The following INPP5K variants were observed in gnomAD, a reference collection of about 807,000 sequenced individuals.
INPP5K encodes the protein inositol polyphosphate 5-phosphatase K.
INPP5K carries 35 observed loss-of-function variants against 53.5 expected under a neutral mutation model. The ratio of observed to expected loss-of-function variants is 0.65; its 90% CI spans 0.50 to 0.87. The LOEUF (loss-of-function observed/expected upper bound fraction) is 0.87, where lower values mean the gene tolerates loss of function less well. INPP5K is among the 40% of genes least tolerant of loss of function. INPP5K has a pLI of 0.00. For synonymous variants in INPP5K, 253 were observed against 232.8 expected (o/e 1.09, Z -0.79); for missense variants, 550 against 586.2 (o/e 0.94, Z 0.64).
In INPP5K at chr17:1,496,356, C is replaced by G. The variant is rs867507549; in HGVS notation, c.1148G>C (p.Gly383Ala). 1 of 1,563,916 alleles carries G rather than the reference C, an allele frequency of 6.4e-7. No individual in the cohort carries two copies. Among genetic ancestry groups the G allele is most frequent in the South Asian group, 1.2e-5 (1 of 85,106 alleles). Residue 383 changes from glycine (G) to alanine (A), a missense_variant, in exon 10 of 12, where the codon GGG (glycine) becomes GCG (alanine). Transcript: ENST00000421807. Reference protein sequence around the residue: ...VNDYVSYAWVGDSKVSCSDNL... With the variant: ...VNDYVSYAWVADSKVSCSDNL... ...GTCGCTGCAGGAGACCTTGCTGTCC[C>G]CGACCCAGGCATAGGACACGTAGTC...
intron 2 of INPP5K, 28 bp from the exon 3 acceptor site, chr17:1,513,589 C>T (rs1238526315): frequency 1.3e-6 from 2 of 1,583,472 alleles, no homozygotes; most frequent in South Asian, 2.2e-5. Flanking sequence ...GAGGCTTGGC[C>T]CCTGGCCTCC....
chr17:1,508,074 G>A, intron 6 of INPP5K, 41 bp downstream of exon 6: 1 of 1,368,072 alleles, frequency 7.3e-7, no homozygotes, highest in Non-Finnish European at 1.0e-6. Flanking sequence ...CCCCCACCGT[G>A]GGCTCAGATC....
chr17:1,508,028 G>A (rs1408722736), intron 6 of INPP5K, 87 bp downstream of exon 6: 2 of 961,792 alleles, frequency 2.1e-6, no homozygotes, highest in African/African-American at 1.6e-5. Flanking sequence ...AAACAGCAGC[G>A]AGGGCATCTA....
chr17:1,501,200 C>T (rs1430375754), intron 7 of INPP5K, among the ~76,000 whole-genome samples: 4 of 151,886 alleles, frequency 2.6e-5, no homozygotes, highest in African/African-American at 7.3e-5. Context: ...CCTTGTGATC[C>T]GCCCGCCTCG....
intron 3 of INPP5K, among the ~76,000 whole-genome samples, chr17:1,512,929 G>A (rs1567564657): frequency 6.6e-6 from 1 of 152,190 alleles, no homozygotes; most frequent in Non-Finnish European, 1.5e-5. Context: ...GGGTTATGAA[G>A]TTTGAGAGAT....
chr17:1,509,171 G>T lies in INPP5K; in HGVS notation c.554+7C>A, dbSNP rs199652606. On this transcript the variant is annotated splice_region_variant and intron_variant, in intron 5 of 11. Coordinates refer to ENST00000421807, the MANE Select transcript of INPP5K (RefSeq NM_016532.4). ...GGCGGGGAACGGTCTGCCAGACCCAGGCTCACTCGTGGTCCAGGATGTTTG... is the reference window on the plus strand; with the variant it reads ...GGCGGGGAACGGTCTGCCAGACCCATGCTCACTCGTGGTCCAGGATGTTTG... 4 of 1,612,036 alleles carry T rather than the reference G, an allele frequency of 2.5e-6. No homozygotes were observed. Among genetic ancestry groups the T allele is most frequent in the Non-Finnish European group, 3.4e-6 (4 of 1,179,746 alleles).
intron 4 of INPP5K, 116 bp from the exon 5 acceptor site, chr17:1,509,469 A>G: frequency 1.9e-6 from 2 of 1,060,366 alleles, no homozygotes; most frequent in South Asian, 1.5e-5. Flanking sequence ...TCCTAGGGAC[A>G]GTAACTAAGC....
At chr17:1,514,138 C>T (rs754456778) in intron 1 of INPP5K, among the ~76,000 whole-genome samples, 159 bp from the exon 2 acceptor site, 1 of 151,984 alleles carries the variant, frequency 6.6e-6, no homozygotes, top group Non-Finnish European at 1.5e-5. Flanking sequence ...GCCTGGCCAA[C>T]ATGGTGAAAC....
At chr17:1,506,496 C>T (rs1377393443) in intron 7 of INPP5K, among the ~76,000 whole-genome samples, 3 of 152,068 alleles carry the variant, frequency 2.0e-5, no homozygotes, top group Non-Finnish European at 2.9e-5. Context: ...CTTCTAACTA[C>T]CAGACTCATG....
Position 1,509,235 on chromosome 17 carries a change from C to G in INPP5K, c.497G>C (p.Arg166Pro). The change falls in exon 5 of 12, where the codon CGG becomes CCG. Residue 166 changes from arginine (R) to proline (P), a missense_variant. By Grantham distance (103) the Arg-to-Pro change is moderately radical. Coordinates refer to ENST00000421807, the MANE Select transcript of INPP5K (RefSeq NM_016532.4). The part of the protein sequence containing the change: ...NNYQRLEHFD[R>P]ILEMQNCEGR... ...CTCACAATTCTGCATCTCCAGGATC[C>G]GGTCAAAGTGCTCCAGCCGCTGGTA... 6.2e-7 allele frequency: 1 copy of G among 1,614,052 alleles called. No homozygotes were observed. Among genetic ancestry groups the G allele is most frequent in the South Asian group, 1.1e-5 (1 of 91,064 alleles).
At chr17:1,497,588 TGGAGGGAGC>T (rs2074888713) in intron 8 of INPP5K, among the ~76,000 whole-genome samples, 2 of 152,142 alleles carry the variant, frequency 1.3e-5, no homozygotes, top group African/African-American at 2.4e-5. Context: ...GACGCAGGGA[TGGAGGGAGC>T]GCCCGTTGCA....
intron 7 of INPP5K, among the ~76,000 whole-genome samples, chr17:1,502,165 T>C (rs4790539): frequency 0.17 from 25,038 of 151,478 alleles, 2,234 homozygotes; most frequent in Admixed American, 0.21. Context: ...CTGGCTAACA[T>C]GGTGAAACCC....
chr17:1,500,567 G>C (rs1204227466), intron 7 of INPP5K, among the ~76,000 whole-genome samples: 1 of 152,086 alleles, frequency 6.6e-6, no homozygotes, highest in Non-Finnish European at 1.5e-5. Context: ...GGGTTTCACC[G>C]CATTAGCCAG....
chr17:1,507,396 G>A (rs932290665), intron 6 of INPP5K: 3 of 338,288 alleles, frequency 8.9e-6, no homozygotes, highest in Non-Finnish European at 1.6e-5. Context: ...TGTGTCAGAG[G>A]GGAACCTGGG....
chr17:1,500,370 T>G lies in INPP5K; in HGVS notation c.777-2248A>C, dbSNP rs566624458. On this transcript the variant is annotated intron_variant, in intron 7 of 11. Coordinates refer to ENST00000421807, the MANE Select transcript of INPP5K (RefSeq NM_016532.4). ...ACATTAGCTTTTTGCTTCCAAAGTT[T>G]TTTTTTTTTTTTGAGACGGAGTCTC... is the stretch of plus-strand genomic sequence containing the variant. Among the ~76,000 whole-genome samples, 13 of 151,890 alleles carry G rather than the reference T, an allele frequency of 8.6e-5. No individual in the cohort carries two copies. In the South Asian group the frequency reaches 1.7e-3, roughly 19 times the overall value.
chr17:1,495,598 C>T lies in INPP5K; in HGVS notation c.*225G>A. ...TCACTGTTGACACACTAGCTGGTTT[C>T]ACTCACATCTCAGCAACAAAAACCT... On this transcript the variant is annotated 3_prime_UTR_variant, in exon 12 of 12. Transcript: ENST00000421807. 5.5e-6 allele frequency: 3 copies of T among 544,512 alleles called. No individual in the cohort carries two copies. Among genetic ancestry groups the T allele is most frequent in the South Asian group, 4.9e-5 (2 of 40,906 alleles). 33.7% of individuals were successfully genotyped at this position (544,512 alleles called of 1,614,324 possible). A position where few individuals can be genotyped will look rare whatever the true frequency, so the allele number is the denominator to read the frequency against.
intron 7 of INPP5K, among the ~76,000 whole-genome samples, chr17:1,502,820 C>T (rs1305347368): frequency 1.3e-5 from 2 of 151,504 alleles, no homozygotes; most frequent in Admixed American, 6.6e-5. Context: ...CCTTGAACTC[C>T]GAGGCTCAAA....
In INPP5K at chr17:1,515,735, C is replaced by T. The variant is rs995158752; in HGVS notation, c.44+721G>A. 6.6e-6 allele frequency: 4 copies of T among 607,898 alleles called. No homozygotes were observed. The African/African-American group carries it at 8.1e-5, about 12-fold the overall frequency. The allele number at this position is 607,898 out of a possible 1,614,324, so 37.7% of individuals were successfully genotyped here. On this transcript the variant is annotated intron_variant, in intron 1 of 11. Coordinates refer to ENST00000421807, the MANE Select transcript of INPP5K (RefSeq NM_016532.4). ...AGTTTAAAGCAACTTCCTGTCCCTC[C>T]CTGTTAGCATAAACAACACTATACA...
At chr17:1,505,842 A>C (rs2075142418) in intron 7 of INPP5K, among the ~76,000 whole-genome samples, 1 of 152,130 alleles carries the variant, frequency 6.6e-6, no homozygotes, top group African/African-American at 2.4e-5. Flanking sequence ...GCTGGAACAA[A>C]GACCCTCATG....
Sources: allele counts gnomAD v4.1 joint callset (sites outside exome capture counted in the v4.1 genomes callset), GRCh38; gene constraint gnomAD v4.1.1; transcripts MANE v1.5; gene names NCBI Gene and HGNC (gene_info 2026-07-23, HGNC 2026-07-21).